LARP7: variants seen among roughly 807,000 people sequenced by gnomAD.
The protein encoded by LARP7 is La ribonucleoprotein 7, transcriptional regulator.
LARP7 carries 52 observed loss-of-function variants against 69.3 expected under a neutral mutation model. The ratio of observed to expected loss-of-function variants is 0.75; its 90% confidence interval spans 0.60 to 0.95. The LOEUF is 0.95. Among genes scored for constraint, LARP7 ranks in the 40% least tolerant of loss-of-function variants. The probability of loss-of-function intolerance (pLI) is 0.00; values close to 1 mark genes in which losing one functional copy is unlikely to be tolerated. For missense variants in LARP7, 733 were observed against 673.0 expected, an observed-to-expected ratio of 1.09 and a Z score of -0.99; for synonymous variants, 254 against 215.9, an observed-to-expected ratio of 1.18 and a Z score of -1.55.
rs781591054 is a variant in LARP7 at position 112,644,874 on chromosome 4, A to G, written c.202+3A>G. ...GATAGAAAAATCTAGAGATGGATGTAAGTTTGCTTCAGTAAAGGAACCAAT... is the reference window on the plus strand; with the variant it reads ...GATAGAAAAATCTAGAGATGGATGTGAGTTTGCTTCAGTAAAGGAACCAAT... On this transcript the variant is annotated splice_donor_region_variant and intron_variant, in intron 2 of 12. Transcript: ENST00000344442. 5 of 1,541,394 alleles carry G rather than the reference A, an allele frequency of 3.2e-6. No individual in the cohort carries two copies. In the South Asian group the frequency reaches 6.3e-5, roughly 20 times the overall value.
chr4:112,643,295 G>T (rs1236737936), intron 1 of LARP7, among the ~76,000 whole-genome samples: 2 of 152,238 alleles, frequency 1.3e-5, no homozygotes, highest in African/African-American at 4.8e-5. Flanking sequence ...TTGTGGGAGG[G>T]GACCGCACTG....
intron 1 of LARP7, among the ~76,000 whole-genome samples, chr4:112,638,438 A>C (rs879630279): frequency 6.6e-6 from 1 of 152,210 alleles, no homozygotes; most frequent in Admixed American, 6.5e-5. Context: ...ACTATTTTTC[A>C]ACCCTGTAAC....
Position 112,646,355 on chromosome 4 carries a change from T to G in LARP7, c.207T>G (p.Val69=), listed in dbSNP as rs1216734940. 32 of 1,418,910 alleles carry G rather than the reference T, an allele frequency of 2.3e-5. No homozygotes were observed. Among genetic ancestry groups the G allele is most frequent in the Non-Finnish European group, 3.1e-5 (31 of 1,011,300 alleles). The allele number at this position is 1,418,910 out of a possible 1,614,324, so 87.9% of individuals were successfully genotyped here. A position where few individuals can be genotyped will look rare whatever the true frequency, so the allele number is the denominator to read the frequency against. ...EQIEKSRDGY[V]DISLLVSFNK... ...TAACTTTTTCATTTTCTTTAGATGT[T>G]GATATATCACTACTTGTGTCTTTTA... is the stretch of plus-strand genomic sequence containing the variant. Residue 69 remains valine (V), a synonymous_variant, in exon 3 of 13, where the codon GTT becomes GTG. Coordinates refer to ENST00000344442, the MANE Select transcript of LARP7 (RefSeq NM_016648.4).
chr4:112,646,109 C>A (rs1404246193), intron 2 of LARP7, among the ~76,000 whole-genome samples: 1 of 151,970 alleles, frequency 6.6e-6, no homozygotes, highest in African/African-American at 2.4e-5. Context: ...TCTCGAGTAG[C>A]TGGGATTACA....
Position 112,646,415 on chromosome 4 carries a change from A to C in LARP7, c.267A>C (p.Leu89Phe). The C allele has an allele frequency of 6.2e-7, 1 of 1,605,750 alleles. No individual in the cohort carries two copies. The highest frequency in any genetic ancestry group is 8.5e-7 in the Non-Finnish European group (1 of 1,173,414). The stretch of plus-strand genomic sequence containing the variant: ...AAAAATTGACTACTGATGGGAAGTT[A>C]ATTGCCAGAGCATTGAGAAGTTCAG... The part of the protein sequence containing the change: ...KMKKLTTDGK[L>F]IARALRSSAV... Residue 89 changes from leucine (L) to phenylalanine (F), a missense_variant, in exon 3 of 13, where the codon TTA (leucine) becomes TTC (phenylalanine). Coordinates refer to ENST00000344442, the MANE Select transcript of LARP7 (RefSeq NM_016648.4).
Position 112,646,628 on chromosome 4 carries a change from TG to T in LARP7, c.349del (p.Glu117LysfsTer38). On this transcript the variant is annotated frameshift_variant, in exon 4 of 13. Coordinates refer to ENST00000344442, the MANE Select transcript of LARP7 (RefSeq NM_016648.4). LOFTEE classifies it high-confidence loss of function. Reference protein sequence around the residue: ...EGTRIRRKKPLGERPKDEDER... With the variant: ...EGTRIRRKKPXGERPKDEDER... ...ACCAGAATCCGGAGGAAAAAACCTCTGGGGGAAAGACCAAAGGATGAGGATG... is the reference window on the plus strand; with the variant it reads ...ACCAGAATCCGGAGGAAAAAACCTCTGGGGAAAGACCAAAGGATGAGGATG... 1 of 1,604,426 alleles carries T rather than the reference TG, an allele frequency of 6.2e-7. No homozygotes were observed. Among genetic ancestry groups the T allele is most frequent in the East Asian group, 2.2e-5 (1 of 44,612 alleles).
Position 112,646,492 on chromosome 4 carries a change from T to C in LARP7, c.303+41T>C, listed in dbSNP as rs536015391. ...AACTACTGTTTATATTTATAGTTTATAATTATAAAGAATGTTAACGTAATG... is the reference window on the plus strand; with the variant it reads ...AACTACTGTTTATATTTATAGTTTACAATTATAAAGAATGTTAACGTAATG... On this transcript the variant is annotated intron_variant, in intron 3 of 12. Transcript: ENST00000344442. 9 of 1,326,730 alleles carry C rather than the reference T, an allele frequency of 6.8e-6. No individual in the cohort carries two copies. In the African/African-American group the frequency reaches 7.5e-5, roughly 11 times the overall value. The allele number at this position is 1,326,730 out of a possible 1,614,324, so 82.2% of individuals were successfully genotyped here. A position where few individuals can be genotyped will look rare whatever the true frequency, so the allele number is the denominator to read the frequency against.
At chr4:112,646,098 C>T (rs1297279425) in intron 2 of LARP7, among the ~76,000 whole-genome samples, 1 of 151,018 alleles carries the variant, frequency 6.6e-6, no homozygotes, top group Non-Finnish European at 1.5e-5. Context: ...TCCTACCTCA[C>T]TCTCGAGTAG....
chr4:112,654,495 A>G lies in LARP7; in HGVS notation c.1668+336A>G, dbSNP rs1223868817. The G allele has an allele frequency of 2.1e-5, 4 of 190,092 alleles. No individual in the cohort carries two copies. The East Asian group carries it at 5.1e-4, about 24-fold the overall frequency. The allele number at this position is 190,092 out of a possible 1,614,324, so 11.8% of individuals were successfully genotyped here. On this transcript the variant is annotated intron_variant, in intron 12 of 12. Coordinates refer to ENST00000344442, the MANE Select transcript of LARP7 (RefSeq NM_016648.4). ...AAGATTATCTTCATGGTAAAAACAC[A>G]ATGTATTCAGAATGTAGTTTATAAA...
At chr4:112,654,036 T>G (rs777654508) in intron 11 of LARP7, 32 bp from the exon 12 acceptor site, 3 of 1,481,848 alleles carry the variant, frequency 2.0e-6, no homozygotes, top group Non-Finnish European at 2.8e-6. Flanking sequence ...TGTTCTTCTT[T>G]TCATCCATCA....
intron 8 of LARP7, among the ~76,000 whole-genome samples, chr4:112,649,169 A>G (rs922662933): frequency 6.6e-6 from 1 of 152,154 alleles, no homozygotes; most frequent in Non-Finnish European, 1.5e-5. Context: ...TTATCTCTCA[A>G]ATTGGAAGCA....
chr4:112,650,789 A>G (rs1402139354), intron 10 of LARP7, among the ~76,000 whole-genome samples: 1 of 152,306 alleles, frequency 6.6e-6, no homozygotes, highest in South Asian at 2.1e-4. Flanking sequence ...CTAAATCTAT[A>G]TGTAAGCACA....
Position 112,650,588 on chromosome 4 carries a change from G to T in LARP7, c.1416+6G>T. 1.2e-6 allele frequency: 2 copies of T among 1,611,424 alleles called. No homozygotes were observed. The highest frequency in any genetic ancestry group is 1.7e-6 in the Non-Finnish European group (2 of 1,178,616). On this transcript the variant is annotated splice_donor_region_variant and intron_variant, in intron 10 of 12. Transcript: ENST00000344442. ...CTGGCAGGAAACAAGTCCGGGTAAT[G>T]ATTTTGAGCCCCTAGGGTATTTGTT...
Position 112,646,379 on chromosome 4 carries a change from T to C in LARP7, c.231T>C (p.Phe77=), listed in dbSNP as rs2048240719. 30 of 1,584,780 alleles carry C rather than the reference T, an allele frequency of 1.9e-5. No homozygotes were observed. Among genetic ancestry groups the C allele is most frequent in the Non-Finnish European group, 2.5e-5 (29 of 1,155,264 alleles). The change falls in exon 3 of 13, where the codon TTT becomes TTC. Residue 77 remains phenylalanine (F), a synonymous_variant. Transcript: ENST00000344442. ...TTGATATATCACTACTTGTGTCTTTTAACAAAATGAAAAAATTGACTACTG... is the reference window on the plus strand; with the variant it reads ...TTGATATATCACTACTTGTGTCTTTCAACAAAATGAAAAAATTGACTACTG... The part of the protein sequence containing the change: ...GYVDISLLVS[F]NKMKKLTTDG...
At chr4:112,654,794 T>C (rs2048890626) in intron 12 of LARP7, 1 of 152,190 alleles carries the variant, frequency 6.6e-6, no homozygotes, top group Non-Finnish European at 1.5e-5. Context: ...CAAATTATTA[T>C]ACATGTAAAG....
At position 112,647,434 on chromosome 4, in the gene LARP7, G is replaced by A. The variant is rs2149266474; in HGVS notation, c.882G>A (p.Lys294=). The A allele has an allele frequency of 6.2e-7, 1 of 1,614,114 alleles. No homozygotes were observed. The highest frequency in any genetic ancestry group is 2.2e-5 in the East Asian group (1 of 44,880). ...GCTTACCTGAAGTCAGAACAGGGAA[G>A]AGGAAGAGAAGCAGCTCTGAAGATG... The part of the protein sequence containing the change: ...ASSLPEVRTG[K]RKRSSSEDAE... Residue 294 remains lysine, a synonymous_variant, in exon 7 of 13, where the codon AAG becomes AAA. Coordinates refer to ENST00000344442, the MANE Select transcript of LARP7 (RefSeq NM_016648.4).
chr4:112,646,330 T>A, intron 2 of LARP7, 21 bp from the exon 3 acceptor site: 1 of 1,205,596 alleles, frequency 8.3e-7, no homozygotes, highest in Non-Finnish European at 1.2e-6. Flanking sequence ...ACTAACATAT[T>A]AACTTTTTCA....
At chr4:112,644,942 A>ACT in intron 2 of LARP7, 71 bp downstream of exon 2, 1 of 235,636 alleles carries the variant, frequency 4.2e-6, no homozygotes, top group East Asian at 8.4e-5. Flanking sequence ...AAAATAATAT[A>ACT]TTCTTTTTTT....
intron 1 of LARP7, 57 bp from the exon 2 acceptor site, chr4:112,644,611 A>G: frequency 7.7e-7 from 1 of 1,297,270 alleles, no homozygotes; most frequent in Non-Finnish European, 1.1e-6. Flanking sequence ...TAAATATTTA[A>G]CTATATTAGC....
Sources: gnomAD v4.1 joint callset for allele counts (sites outside exome capture counted in the v4.1 genomes callset) on GRCh38, gnomAD v4.1.1 for gene constraint, MANE v1.5 for transcripts, NCBI Gene and HGNC (gene_info 2026-07-23, HGNC 2026-07-21) for gene names.